The following EXOC4 variants were observed in gnomAD, a reference collection of about 807,000 sequenced individuals.
EXOC4 encodes exocyst complex component 4.
Under a neutral mutation model 107.2 loss-of-function variants are expected in EXOC4, and 71 were observed. The ratio of observed to expected loss-of-function variants is 0.66; its 90% CI spans 0.55 to 0.81. The LOEUF (loss-of-function observed/expected upper bound fraction) is 0.81, where lower values mean the gene tolerates loss of function less well. Ranked by LOEUF, EXOC4 falls within the 30% of genes least tolerant of loss-of-function variation. The pLI is 0.00. For synonymous variants in EXOC4, 456 were observed against 441.2 expected, an observed-to-expected ratio of 1.03 and a Z score of -0.42; for missense variants, 1,108 against 1,189.6, an observed-to-expected ratio of 0.93 and a Z score of 1.01.
At chr7:133,833,245 A>AG (rs1392738615) in intron 11 of EXOC4, among the ~76,000 whole-genome samples, 4 of 149,434 alleles carry the variant, frequency 2.7e-5, no homozygotes, top group Non-Finnish European at 6.0e-5. Context: ...GTCCCTGAGA[A>AG]GGAAAAAAAA....
At chr7:133,617,694 A>C (rs1186327375) in intron 9 of EXOC4, among the ~76,000 whole-genome samples, 1 of 151,892 alleles carries the variant, frequency 6.6e-6, no homozygotes, top group Non-Finnish European at 1.5e-5. Flanking sequence ...TTCCCATAAT[A>C]CCCCACCTCC....
At chr7:133,588,711 G>A (rs1801465522) in intron 9 of EXOC4, among the ~76,000 whole-genome samples, 1 of 152,062 alleles carries the variant, frequency 6.6e-6, no homozygotes, top group African/African-American at 2.4e-5. Context: ...TGGCCAACAT[G>A]GTAAAACCCT....
intron 12 of EXOC4, among the ~76,000 whole-genome samples, chr7:133,902,885 C>T (rs1391332553): frequency 1.3e-5 from 2 of 151,274 alleles, no homozygotes; most frequent in African/African-American, 2.4e-5. Flanking sequence ...AAAGAATTTT[C>T]GAAGATAGTA....
chr7:133,917,525 T>C (rs753116311), intron 12 of EXOC4, 58 bp from the exon 13 acceptor site: 36 of 1,536,754 alleles, frequency 2.3e-5, no homozygotes, highest in Non-Finnish European at 2.9e-5. Context: ...TAGATGAAAA[T>C]GCTAACTGAA....
At chr7:133,515,601 T>G (rs1341630071) in intron 9 of EXOC4, among the ~76,000 whole-genome samples, 1 of 152,104 alleles carries the variant, frequency 6.6e-6, no homozygotes, top group Non-Finnish European at 1.5e-5. Flanking sequence ...CCCCATTAGC[T>G]GGGTCTGTAG....
chr7:133,405,060 C>G (rs1204565295), intron 7 of EXOC4, among the ~76,000 whole-genome samples: 1 of 151,996 alleles, frequency 6.6e-6, no homozygotes, highest in Non-Finnish European at 1.5e-5. Flanking sequence ...AGTGATAGGG[C>G]AAGACCCTGT....
At chr7:134,100,049 C>G in the EXOC4 span, among the ~76,000 whole-genome samples, 1 of 152,068 alleles carries the variant, frequency 6.6e-6, no homozygotes, top group Admixed American at 6.5e-5. Context: ...TTCTTTGGGT[C>G]TTCATTTCTA....
At chr7:133,426,532 A>G (rs1373765962) in intron 7 of EXOC4, among the ~76,000 whole-genome samples, 5 of 152,182 alleles carry the variant, frequency 3.3e-5, no homozygotes. Context: ...ACATGGCTCA[A>G]TTTTCTGCTA....
intron 9 of EXOC4, among the ~76,000 whole-genome samples, chr7:133,520,104 C>T (rs1029135352): frequency 1.3e-5 from 2 of 151,852 alleles, no homozygotes; most frequent in Admixed American, 1.3e-4. Flanking sequence ...TTAATATTAC[C>T]ACAAAAATGT....
intron 10 of EXOC4, among the ~76,000 whole-genome samples, chr7:133,746,870 C>T (rs1158223737): frequency 6.6e-6 from 1 of 152,136 alleles, no homozygotes; most frequent in African/African-American, 2.4e-5. Flanking sequence ...CCTTATGAGT[C>T]AGGGCAGCGT....
intron 10 of EXOC4, among the ~76,000 whole-genome samples, chr7:133,696,936 C>T (rs1794548248): frequency 6.6e-6 from 1 of 152,144 alleles, no homozygotes; most frequent in African/African-American, 2.4e-5. Context: ...TGCAATAATT[C>T]ATTTAATAAA....
chr7:134,092,097 G>A, the EXOC4 span, among the ~76,000 whole-genome samples: 11 of 152,242 alleles, frequency 7.2e-5, no homozygotes, highest in South Asian at 2.3e-3. Context: ...GATTTCCAGA[G>A]TTAACTACAT....
intron 10 of EXOC4, among the ~76,000 whole-genome samples, chr7:133,717,090 G>T (rs1355115695): frequency 3.3e-5 from 5 of 151,922 alleles, no homozygotes; most frequent in East Asian, 1.9e-4. Flanking sequence ...AAAAAAATTG[G>T]TATCCCGAAT....
intron 12 of EXOC4, among the ~76,000 whole-genome samples, chr7:133,911,710 C>T (rs1040546635): frequency 3.9e-5 from 6 of 152,154 alleles, no homozygotes; most frequent in Non-Finnish European, 5.9e-5. Flanking sequence ...TCAAAATGTA[C>T]GGTACCATCT....
At chr7:133,343,547 G>T (rs1406975245) in intron 5 of EXOC4, among the ~76,000 whole-genome samples, 3 of 151,422 alleles carry the variant, frequency 2.0e-5, no homozygotes, top group African/African-American at 4.8e-5. Context: ...AATGTGACAG[G>T]ATTACAGACA....
chr7:133,291,746 A>G (rs777653785), intron 3 of EXOC4, among the ~76,000 whole-genome samples: 3 of 151,898 alleles, frequency 2.0e-5, no homozygotes, highest in Admixed American at 6.6e-5. Context: ...AGAATCTCCT[A>G]TGTTTTCTTC....
At chr7:133,836,803 G>A (rs1466176149) in intron 11 of EXOC4, among the ~76,000 whole-genome samples, 4 of 152,120 alleles carry the variant, frequency 2.6e-5, no homozygotes, top group African/African-American at 7.2e-5. Flanking sequence ...AAGTCCTTGA[G>A]CAGCTAATCC....
At chr7:133,406,160 CAG>C (rs1797211731) in intron 7 of EXOC4, among the ~76,000 whole-genome samples, 1 of 152,114 alleles carries the variant, frequency 6.6e-6, no homozygotes, top group African/African-American at 2.4e-5. Context: ...CTGAGGGAAA[CAG>C]AGACTGAGAG....
At chr7:133,374,580 C>T (rs906657570) in intron 6 of EXOC4, among the ~76,000 whole-genome samples, 1 of 152,118 alleles carries the variant, frequency 6.6e-6, no homozygotes, top group Non-Finnish European at 1.5e-5. Context: ...GGTTTAGGGG[C>T]TTTACAATTG....
Sources: allele counts gnomAD v4.1 joint callset (sites outside exome capture counted in the v4.1 genomes callset), GRCh38; gene constraint gnomAD v4.1.1; transcripts MANE v1.5; gene names NCBI Gene and HGNC (gene_info 2026-07-23, HGNC 2026-07-21).